LIN28B: variants seen among roughly 807,000 people sequenced by gnomAD.
LIN28B encodes the protein lin-28 RNA binding posttranscriptional regulator B.
Under a neutral mutation model 21.9 loss-of-function variants are expected in LIN28B, and 5 were observed. The observed-to-expected ratio is 0.23, with a 90% CI of 0.12 to 0.48. LIN28B has a LOEUF of 0.48. Among genes scored for constraint, LIN28B ranks in the 20% least tolerant of loss-of-function variants. The pLI is 0.98. For synonymous variants in LIN28B, 109 were observed against 111.3 expected (o/e 0.98, Z 0.13); for missense variants, 245 against 310.5 (o/e 0.79, Z 1.58).
chr6:105,013,054 TAC>T (rs1770956233), intron 2 of LIN28B, among the ~76,000 whole-genome samples: 1 of 152,096 alleles, frequency 6.6e-6, no homozygotes, highest in African/African-American at 2.4e-5. Context: ...TTGCTCTTGT[TAC>T]CCAGGCTGGG....
chr6:105,055,940 T>TC (rs1772013274), intron 3 of LIN28B, among the ~76,000 whole-genome samples: 2 of 148,124 alleles, frequency 1.4e-5, no homozygotes, highest in South Asian at 2.2e-4. Flanking sequence ...TTTTTTTTTT[T>TC]GGGTAGAGAC....
At chr6:105,016,855 A>G (rs1230812032) in intron 2 of LIN28B, among the ~76,000 whole-genome samples, 1 of 152,012 alleles carries the variant, frequency 6.6e-6, no homozygotes, top group African/African-American at 2.4e-5. Context: ...TCAGTAGTTC[A>G]AGACCAGCCT....
intron 3 of LIN28B, among the ~76,000 whole-genome samples, chr6:105,038,492 C>T (rs1194199967): frequency 6.6e-6 from 1 of 152,116 alleles, no homozygotes; most frequent in East Asian, 1.9e-4. Context: ...ACAGCTGGGA[C>T]CTGCTGGGCA....
chr6:105,048,336 T>C (rs1010627185), intron 3 of LIN28B, among the ~76,000 whole-genome samples: 36 of 152,356 alleles, frequency 2.4e-4, no homozygotes, highest in Non-Finnish European at 5.0e-4. Context: ...GATTTGCATA[T>C]GTTGAACCAG....
chr6:105,031,276 G>A (rs954352518), intron 3 of LIN28B, among the ~76,000 whole-genome samples: 1 of 151,968 alleles, frequency 6.6e-6, no homozygotes, highest in African/African-American at 2.4e-5. Flanking sequence ...CTTCAGGCTG[G>A]TTTCTGTGTC....
At chr6:104,978,531 G>A (rs940681929) in intron 2 of LIN28B, among the ~76,000 whole-genome samples, 5 of 151,134 alleles carry the variant, frequency 3.3e-5, no homozygotes, top group Admixed American at 2.6e-4. Context: ...TAAGTGTCTG[G>A]TCCAGTGTCT....
At chr6:105,069,691 A>AC (rs1279668304) in intron 3 of LIN28B, among the ~76,000 whole-genome samples, 1 of 151,192 alleles carries the variant, frequency 6.6e-6, no homozygotes, top group East Asian at 1.9e-4. Context: ...CCTGTCTCAA[A>AC]AAAAAAAAAA....
chr6:105,004,074 A>C (rs111780264), intron 2 of LIN28B, among the ~76,000 whole-genome samples: 176 of 152,318 alleles, frequency 1.2e-3, no homozygotes, highest in African/African-American at 4.0e-3. Context: ...GTTCGAAGGC[A>C]GGAAGCATCC....
At chr6:105,050,608 C>CAAAAAAAAAAAAA (rs61464567) in intron 3 of LIN28B, among the ~76,000 whole-genome samples, 1 of 47,606 alleles carries the variant, frequency 2.1e-5, no homozygotes, top group African/African-American at 8.6e-5. Flanking sequence ...GACTCCGTCT[C>CAAAAAAAAAAAAA]AAAAAAAAAA....
chr6:105,068,529 T>A (rs1772264555), intron 3 of LIN28B, among the ~76,000 whole-genome samples: 1 of 152,212 alleles, frequency 6.6e-6, no homozygotes, highest in Non-Finnish European at 1.5e-5. Flanking sequence ...AGTTCAGAGT[T>A]TGAATTTACT....
At chr6:104,998,190 G>A (rs1234026953) in intron 2 of LIN28B, among the ~76,000 whole-genome samples, 2 of 152,092 alleles carry the variant, frequency 1.3e-5, no homozygotes, top group African/African-American at 4.8e-5. Context: ...CATGTTATAA[G>A]ACCCCACAAG....
chr6:105,013,082 C>G (rs1286222946), intron 2 of LIN28B, among the ~76,000 whole-genome samples: 1 of 152,092 alleles, frequency 6.6e-6, no homozygotes, highest in African/African-American at 2.4e-5. Flanking sequence ...ATGGCGCAAT[C>G]TCAGCTCACT....
chr6:105,029,520 T>C (rs968574970), intron 3 of LIN28B, among the ~76,000 whole-genome samples: 1 of 152,054 alleles, frequency 6.6e-6, no homozygotes, highest in Non-Finnish European at 1.5e-5. Flanking sequence ...TTCTCTTTTT[T>C]ATGCTGGTTT....
chr6:104,998,683 A>G (rs1770662286), intron 2 of LIN28B, among the ~76,000 whole-genome samples: 1 of 152,170 alleles, frequency 6.6e-6, no homozygotes, highest in Admixed American at 6.5e-5. Flanking sequence ...TATTTATAAA[A>G]GTAATGATGG....
At chr6:104,953,171 G>C (rs73771034), upstream of LIN28B, among the ~76,000 whole-genome samples, 2 of 152,078 alleles carry the variant, frequency 1.3e-5, no homozygotes, top group Non-Finnish European at 2.9e-5. Context: ...CCCGAAAATC[G>C]CCCCCAGCCT....
chr6:104,941,861 A>T (rs1232561082), intron 2 of LIN28B, among the ~76,000 whole-genome samples: 1 of 152,242 alleles, frequency 6.6e-6, no homozygotes, highest in Non-Finnish European at 1.5e-5. Context: ...AACTTTTTTT[A>T]AAAATTGCAC....
At chr6:104,948,861 T>G (rs1288164384) in intron 2 of LIN28B, among the ~76,000 whole-genome samples, 1 of 152,204 alleles carries the variant, frequency 6.6e-6, no homozygotes, top group East Asian at 1.9e-4. Flanking sequence ...TATGTAAGTT[T>G]GAATAGTGAA....
chr6:104,987,373 ATGGGGAGACAGAGTCT>A (rs1770369054), intron 2 of LIN28B, among the ~76,000 whole-genome samples: 1 of 151,816 alleles, frequency 6.6e-6, no homozygotes, highest in South Asian at 2.1e-4. Context: ...TCTGGTGGGG[ATGGGGAGACAGAGTCT>A]TGCTCAATCA....
intron 2 of LIN28B, among the ~76,000 whole-genome samples, chr6:105,003,976 A>T (rs920124112): frequency 6.6e-6 from 1 of 152,202 alleles, no homozygotes; most frequent in Admixed American, 6.5e-5. Context: ...AAATCACACA[A>T]TCACAAGGTC....
Sources: gnomAD v4.1 joint callset for allele counts (sites outside exome capture counted in the v4.1 genomes callset) on GRCh38, gnomAD v4.1.1 for gene constraint, MANE v1.5 for transcripts, NCBI Gene and HGNC (gene_info 2026-07-23, HGNC 2026-07-21) for gene names.